Variants in DGKD observed in about 807,000 individuals in gnomAD.
DGKD encodes DAG kinase delta.
DGKD carries 68 observed loss-of-function variants against 154.4 expected under a neutral mutation model. The observed-to-expected ratio is 0.44, with a 90% CI of 0.36 to 0.54. The LOEUF (loss-of-function observed/expected upper bound fraction) is 0.54. Ranked by LOEUF, DGKD falls within the 20% of genes least tolerant of loss-of-function variation. The pLI is 0.00. For missense variants in DGKD, 1,343 were observed against 1,593.6 expected (o/e 0.84, Z 2.68); for synonymous variants, 693 against 638.0 (o/e 1.09, Z -1.30).
chr2:233,358,938 A>G (rs1428375212), intron 1 of DGKD, among the ~76,000 whole-genome samples: 1 of 152,198 alleles, frequency 6.6e-6, no homozygotes, highest in African/African-American at 2.4e-5. Context: ...GCTGGGCCAT[A>G]TGGTAATACT....
chr2:233,441,839 G>T lies in DGKD; in HGVS notation c.1086-48G>T. 6.4e-7 allele frequency: 1 copy of T among 1,565,400 alleles called. No individual in the cohort carries two copies. The highest frequency in any genetic ancestry group is 8.7e-7 in the Non-Finnish European group (1 of 1,143,294). ...CCCCGTACTGACAAGCCTGTCATTT[G>T]TCCTGTGGAATGGATGTCATTTCAC... On this transcript the variant is annotated intron_variant, in intron 9 of 29. Transcript: ENST00000264057. This position sits in a 1 kb window ranked among gnomAD's most constrained non-coding sequence, Gnocchi z 5.6.
intron 3 of DGKD, among the ~76,000 whole-genome samples, chr2:233,398,308 A>AT (rs543765333): frequency 2.4e-4 from 35 of 147,550 alleles, no homozygotes; most frequent in South Asian, 8.7e-4. Context: ...CGCCCGACTA[A>AT]TTTTTTTTTT....
At chr2:233,446,487 T>A (rs115876265) in intron 11 of DGKD, among the ~76,000 whole-genome samples, 1 of 152,380 alleles carries the variant, frequency 6.6e-6, no homozygotes, top group African/African-American at 2.4e-5. Context: ...GGTAGCCATT[T>A]ATGGGAGACC....
rs759588538 is a variant in DGKD, at chr2:233,354,566, T to TCCG, written c.60_62dup (p.Pro21dup). ...CTCCGCCGGGTCCCCCGCAACCGCC[T>TCCG]CCGCCGCCGCCGCCCGAGGAGTCGT... On this transcript the variant is annotated inframe_insertion, in exon 1 of 30. Coordinates refer to ENST00000264057, the MANE Select transcript of DGKD (RefSeq NM_152879.3). This position sits in a 1 kb window ranked among gnomAD's most constrained non-coding sequence, Gnocchi z 4.8. 14 of 1,062,834 alleles carry TCCG rather than the reference T, an allele frequency of 1.3e-5. No homozygotes were observed. Among genetic ancestry groups the TCCG allele is most frequent in the East Asian group, 2.1e-4 (2 of 9,466 alleles). The allele number at this position is 1,062,834 out of a possible 1,614,324, so 65.8% of individuals were successfully genotyped here.
chr2:233,434,548 G>C (rs532815401), intron 4 of DGKD, 64 bp downstream of exon 4: 2 of 1,508,964 alleles, frequency 1.3e-6, no homozygotes, highest in African/African-American at 1.4e-5. Context: ...AGTGTCTGCT[G>C]TCTGAGTGTC....
rs1381221369 is a variant in DGKD at position 233,452,060 on chromosome 2, T to G, written c.2264T>G (p.Leu755Arg). 6.2e-7 allele frequency: 1 copy of G among 1,613,384 alleles called. No homozygotes were observed. Among genetic ancestry groups the G allele is most frequent in the Non-Finnish European group, 8.5e-7 (1 of 1,179,378 alleles). Reference sequence around the variant, plus strand: ...CCCTTCAACTCTGAACCAGAAACCCTGTGAGTATGAGGGATAAACCGAGTG... The same window carrying G: ...CCCTTCAACTCTGAACCAGAAACCCGGTGAGTATGAGGGATAAACCGAGTG... The part of the protein sequence containing the change: ...ADPFNSEPET[L>R]EYYTEKCVMN... Residue 755 changes from leucine to arginine, a missense_variant and splice_region_variant, in exon 18 of 30, where the codon CTA (leucine) becomes CGA (arginine). Leu to Arg is a moderately radical substitution (Grantham distance 102). This residue lies in a region of DGKD where 409 missense variants were observed against 446.0 expected (regional missense o/e 0.92). Transcript: ENST00000264057. The surrounding 1 kb of genome is among the most constrained non-coding windows in gnomAD (Gnocchi z 4.0).
chr2:233,447,724 A>G (rs2063131745), intron 12 of DGKD: 2 of 1,094,520 alleles, frequency 1.8e-6, no homozygotes, highest in Non-Finnish European at 2.2e-6. Flanking sequence ...AGGTGGAAAC[A>G]GCCTCTGCTG....
chr2:233,447,856 A>T, intron 12 of DGKD: 1 of 1,363,056 alleles, frequency 7.3e-7, no homozygotes, highest in East Asian at 3.0e-5. Flanking sequence ...ATTCATTTGC[A>T]GTTTGCCTGC....
intron 27 of DGKD, among the ~76,000 whole-genome samples, chr2:233,465,713 C>T (rs1484642797): frequency 6.6e-6 from 1 of 151,986 alleles, no homozygotes; most frequent in Admixed American, 6.6e-5. Context: ...AAGTAAAGGA[C>T]CAGCAAGGGT....
intron 3 of DGKD, among the ~76,000 whole-genome samples, chr2:233,392,752 G>A (rs1703709778): frequency 6.6e-6 from 1 of 152,096 alleles, no homozygotes; most frequent in Non-Finnish European, 1.5e-5. Flanking sequence ...TTTATTTCTT[G>A]CATTTTGATC....
intron 2 of DGKD, chr2:233,388,628 A>G (rs965087736): frequency 6.4e-6 from 2 of 313,552 alleles, no homozygotes; most frequent in African/African-American, 4.3e-5. Context: ...TCACAGAGAC[A>G]GCCGCGTTAC....
chr2:233,417,009 T>C (rs1402724631), intron 3 of DGKD, among the ~76,000 whole-genome samples: 3 of 152,210 alleles, frequency 2.0e-5, no homozygotes, highest in African/African-American at 7.2e-5. Flanking sequence ...AATTGCTTAC[T>C]GTGTCTTAGT....
intron 3 of DGKD, among the ~76,000 whole-genome samples, chr2:233,393,178 C>G (rs1703751164): frequency 6.6e-6 from 1 of 152,098 alleles, no homozygotes. Flanking sequence ...GCACCTGCCA[C>G]CACGCCCAGC....
chr2:233,357,416 C>T (rs1339749494), intron 1 of DGKD, among the ~76,000 whole-genome samples: 5 of 152,098 alleles, frequency 3.3e-5, no homozygotes, highest in East Asian at 3.8e-4. Flanking sequence ...TAGGGCAGTG[C>T]TCCTCAAATT....
chr2:233,369,938 A>G (rs934371984), intron 1 of DGKD, among the ~76,000 whole-genome samples: 2 of 152,132 alleles, frequency 1.3e-5, no homozygotes, highest in Non-Finnish European at 2.9e-5. Flanking sequence ...CCCCTGATGA[A>G]TGGTGCTTTG....
chr2:233,364,887 C>T (rs868602757), intron 1 of DGKD, among the ~76,000 whole-genome samples: 7 of 151,978 alleles, frequency 4.6e-5, no homozygotes, highest in African/African-American at 1.7e-4. Context: ...ACGTTTAAAA[C>T]ATAAGGATAT....
chr2:233,418,192 C>T (rs2062009185), intron 3 of DGKD, among the ~76,000 whole-genome samples: 1 of 152,162 alleles, frequency 6.6e-6, no homozygotes. Context: ...CTTCACCAGC[C>T]CCCTGTCTGG....
intron 3 of DGKD, among the ~76,000 whole-genome samples, chr2:233,404,627 T>G (rs2061638354): frequency 6.6e-6 from 1 of 151,970 alleles, no homozygotes; most frequent in South Asian, 2.1e-4. Context: ...AGATCATCAT[T>G]TGAACTTTCA....
chr2:233,434,798 A>C lies in DGKD; in HGVS notation c.483A>C (p.Ser161=). Residue 161 remains serine (S), a synonymous_variant, in exon 5 of 30, where the codon TCA becomes TCC. Transcript: ENST00000264057. ...EPTQYSMDHF[S]GMHNWYACSH... is the part of the protein sequence containing the mutation. ...CCCAGTACAGCATGGACCACTTCTC[A>C]GGGATGCACAATTGGTACGCCTGTT... The C allele has an allele frequency of 6.2e-7, 1 of 1,614,156 alleles. No individual in the cohort carries two copies. The highest frequency in any genetic ancestry group is 1.1e-5 in the South Asian group (1 of 91,088).
Sources: allele counts gnomAD v4.1 joint callset (sites outside exome capture counted in the v4.1 genomes callset), GRCh38; gene constraint gnomAD v4.1.1; regional missense constraint gnomAD v4.1.1; non-coding constraint Gnocchi (gnomAD v3.1); transcripts MANE v1.5; gene names NCBI Gene and HGNC (gene_info 2026-07-23, HGNC 2026-07-21).